TUSC3: variants seen among roughly 807,000 people sequenced by gnomAD.
TUSC3 encodes the protein tumor suppressor candidate 3.
TUSC3 carries 45 observed loss-of-function variants against 44.8 expected under a neutral mutation model. That is an observed-to-expected ratio of 1.00 (90% confidence interval 0.79 to 1.29). The LOEUF (loss-of-function observed/expected upper bound fraction) is 1.29, where lower values mean the gene tolerates loss of function less well. Ranked by LOEUF, TUSC3 falls within the 50% of genes most tolerant of loss-of-function variation. TUSC3 has a pLI of 0.00. For missense variants in TUSC3, 519 were observed against 437.9 expected (o/e 1.19, Z -1.65); for synonymous variants, 212 against 152.9 (o/e 1.39, Z -2.85).
chr8:15,563,681 A>C (rs942967808), intron 1 of TUSC3, among the ~76,000 whole-genome samples: 2 of 120,106 alleles, frequency 1.7e-5, no homozygotes, highest in African/African-American at 6.0e-5. Flanking sequence ...GTGAGCCTCC[A>C]TCTCAAAAAA....
At chr8:15,417,445 G>C (rs1194204538) in intron 1 of TUSC3, 1 of 152,222 alleles carries the variant, frequency 6.6e-6, no homozygotes, top group Admixed American at 6.5e-5. Context: ...TCAGTCTGAT[G>C]ATTCATGGAC....
chr8:15,655,151 T>C (rs1807096765), intron 3 of TUSC3, among the ~76,000 whole-genome samples: 1 of 152,084 alleles, frequency 6.6e-6, no homozygotes, highest in South Asian at 2.1e-4. Context: ...TAAACTGTCT[T>C]GCTAAAATAA....
At chr8:15,828,838 G>A in the TUSC3 span, among the ~76,000 whole-genome samples, 1 of 152,086 alleles carries the variant, frequency 6.6e-6, no homozygotes, top group South Asian at 2.1e-4. Flanking sequence ...CTTTCTTTGT[G>A]TGTCAAACCT....
At chr8:15,656,212 C>T (rs764091285) in intron 3 of TUSC3, among the ~76,000 whole-genome samples, 12 of 152,034 alleles carry the variant, frequency 7.9e-5, no homozygotes, top group Non-Finnish European at 1.0e-4. Flanking sequence ...TCATTTTGTC[C>T]CAATACTGCC....
chr8:15,730,694 A>C lies in TUSC3; in HGVS notation c.827A>C (p.Gln276Pro). ...VSYIHGSSQA[Q>P]FVAESHIILV... Reference sequence around the variant, plus strand: ...TACATTCATGGGAGCAGCCAGGCTCAGTTTGTGGCAGAATCACACATTATT... The same window carrying C: ...TACATTCATGGGAGCAGCCAGGCTCCGTTTGTGGCAGAATCACACATTATT... The change falls in exon 7 of 11, where the codon CAG (glutamine) becomes CCG (proline). Residue 276 changes from glutamine (Q) to proline (P), a missense_variant. Coordinates refer to ENST00000503731, the MANE Select transcript of TUSC3 (RefSeq NM_006765.4). 1 of 1,613,202 alleles carries C rather than the reference A, an allele frequency of 6.2e-7. No individual in the cohort carries two copies.
chr8:15,778,206 C>T, the TUSC3 span, among the ~76,000 whole-genome samples: 4 of 152,116 alleles, frequency 2.6e-5, no homozygotes, highest in Admixed American at 2.6e-4. Context: ...GCCTCTCCCA[C>T]CTGATTTCCA....
intron 1 of TUSC3, among the ~76,000 whole-genome samples, chr8:15,572,935 C>G (rs1040050257): frequency 6.6e-6 from 1 of 151,776 alleles, no homozygotes; most frequent in Admixed American, 6.6e-5. Context: ...ATTTCCATAA[C>G]AAATAATAAT....
At chr8:15,753,909 G>A (rs1009464473) in intron 9 of TUSC3, among the ~76,000 whole-genome samples, 2 of 151,964 alleles carry the variant, frequency 1.3e-5, no homozygotes, top group East Asian at 3.9e-4. Flanking sequence ...AACAAATAGA[G>A]GGAACAAATG....
At chr8:15,720,025 C>T (rs1001111624) in intron 6 of TUSC3, among the ~76,000 whole-genome samples, 5 of 151,958 alleles carry the variant, frequency 3.3e-5, no homozygotes, top group Non-Finnish European at 7.4e-5. Context: ...CTTAAGTGAT[C>T]CTCCTGCCTC....
At chr8:15,468,559 C>G (rs958897813) in intron 1 of TUSC3, among the ~76,000 whole-genome samples, 2 of 152,126 alleles carry the variant, frequency 1.3e-5, no homozygotes, top group Non-Finnish European at 2.9e-5. Context: ...ACTAGATATT[C>G]TTTGTTTTTT....
chr8:15,638,854 A>G (rs1351851905), intron 2 of TUSC3, among the ~76,000 whole-genome samples: 1 of 152,164 alleles, frequency 6.6e-6, no homozygotes, highest in Non-Finnish European at 1.5e-5. Context: ...TACACTGATG[A>G]TTATGATCAT....
chr8:15,583,297 T>G (rs1803452433), intron 1 of TUSC3, among the ~76,000 whole-genome samples: 1 of 152,336 alleles, frequency 6.6e-6, no homozygotes, highest in Non-Finnish European at 1.5e-5. Flanking sequence ...AATTCTTTTT[T>G]GGTTTAAGTT....
At chr8:15,429,795 G>T (rs955626172) in intron 1 of TUSC3, among the ~76,000 whole-genome samples, 6 of 151,340 alleles carry the variant, frequency 4.0e-5, no homozygotes, top group Non-Finnish European at 5.9e-5. Flanking sequence ...ATGACAAAGG[G>T]GATATCACCA....
chr8:15,492,019 G>A (rs1343758897), intron 2 of TUSC3, among the ~76,000 whole-genome samples: 1 of 152,164 alleles, frequency 6.6e-6, no homozygotes, highest in Non-Finnish European at 1.5e-5. Flanking sequence ...GTTTTTGCAT[G>A]TGGCTCCTGC....
chr8:15,763,318 G>A (rs1812228656), intron 10 of TUSC3, among the ~76,000 whole-genome samples: 1 of 151,444 alleles, frequency 6.6e-6, no homozygotes, highest in African/African-American at 2.4e-5. Flanking sequence ...TTATGCCTAG[G>A]ATGATATGAT....
chr8:15,845,598 T>C, the TUSC3 span, among the ~76,000 whole-genome samples: 2 of 152,108 alleles, frequency 1.3e-5, no homozygotes, highest in African/African-American at 2.4e-5. Flanking sequence ...CAGAAAGTAT[T>C]TGGAGTGAAT....
the TUSC3 span, among the ~76,000 whole-genome samples, chr8:15,824,122 G>C: frequency 6.6e-6 from 1 of 152,190 alleles, no homozygotes. Context: ...TAAGTGCAGA[G>C]TGGCCCTTAT....
At chr8:15,700,833 G>C (rs188162638) in intron 6 of TUSC3, among the ~76,000 whole-genome samples, 4 of 143,148 alleles carry the variant, frequency 2.8e-5, no homozygotes, top group East Asian at 2.1e-4. Context: ...CCTTTCACTA[G>C]AGGGAATGGC....
At chr8:15,840,418 A>G in the TUSC3 span, among the ~76,000 whole-genome samples, 1 of 152,124 alleles carries the variant, frequency 6.6e-6, no homozygotes, top group Non-Finnish European at 1.5e-5. Flanking sequence ...CACACACAAA[A>G]ACTCAGGAGC....
Sources: gnomAD v4.1 joint callset for allele counts (sites outside exome capture counted in the v4.1 genomes callset) on GRCh38, gnomAD v4.1.1 for gene constraint, MANE v1.5 for transcripts, NCBI Gene and HGNC (gene_info 2026-07-23, HGNC 2026-07-21) for gene names.